GABBR2: variants seen among roughly 807,000 people sequenced by gnomAD.
GABBR2 encodes the protein gamma-aminobutyric acid type B receptor subunit 2.
Under a neutral mutation model 105.6 loss-of-function variants are expected in GABBR2, and 23 were observed. That is an observed-to-expected ratio of 0.22 (90% confidence interval 0.16 to 0.31). The LOEUF is 0.31. GABBR2 is among the 10% of genes least tolerant of loss of function. GABBR2 has a pLI of 1.00. For synonymous variants in GABBR2, 478 were observed against 499.7 expected, an observed-to-expected ratio of 0.96 and a Z score of 0.58; for missense variants, 734 against 1,245.5, an observed-to-expected ratio of 0.59 and a Z score of 6.18.
At chr9:98,426,956 T>C (rs1825704762) in intron 7 of GABBR2, among the ~76,000 whole-genome samples, 1 of 152,098 alleles carries the variant, frequency 6.6e-6, no homozygotes, top group Non-Finnish European at 1.5e-5. Context: ...TGAGCAGAGA[T>C]TGTGCCACTG....
intron 13 of GABBR2, among the ~76,000 whole-genome samples, chr9:98,333,077 T>C (rs745963142): frequency 7.2e-5 from 11 of 152,060 alleles, no homozygotes; most frequent in Non-Finnish European, 1.6e-4. Flanking sequence ...CACAAGAAGA[T>C]GGCAATGTGA....
At chr9:98,611,024 C>T (rs935707225) in intron 1 of GABBR2, among the ~76,000 whole-genome samples, 4 of 152,114 alleles carry the variant, frequency 2.6e-5, no homozygotes, top group Admixed American at 1.3e-4. Flanking sequence ...AAACAAGGTG[C>T]CTCCTTGACA....
At chr9:98,401,137 C>T (rs769393287) in intron 8 of GABBR2, among the ~76,000 whole-genome samples, 2 of 152,178 alleles carry the variant, frequency 1.3e-5, no homozygotes, top group Non-Finnish European at 2.9e-5. Flanking sequence ...AGGAACATCA[C>T]AGCCTCACAT....
At position 98,288,975 on chromosome 9, in the gene GABBR2, C is replaced by G. The variant is rs1387662514; in HGVS notation, c.*1609G>C. On this transcript the variant is annotated 3_prime_UTR_variant, in exon 19 of 19. Transcript: ENST00000259455. ...TAGGTTTCTTTAGGGAGTGAGCGAG[C>G]TGCTCAGTTGTGCAGACATCCTGGA... 1.3e-5 allele frequency: 2 copies of G among 152,614 alleles called. No individual in the cohort carries two copies. Among genetic ancestry groups the G allele is most frequent in the Non-Finnish European group, 2.9e-5 (2 of 68,062 alleles). The allele number at this position is 152,614 out of a possible 1,614,324, so 9.5% of individuals were successfully genotyped here.
chr9:98,436,643 C>G (rs888156670), intron 7 of GABBR2, among the ~76,000 whole-genome samples: 2 of 151,420 alleles, frequency 1.3e-5, no homozygotes, highest in South Asian at 2.1e-4. Context: ...CGTGCTCCTC[C>G]TATTACACCA....
At chr9:98,366,019 G>A (rs556508511) in intron 12 of GABBR2, among the ~76,000 whole-genome samples, 2 of 152,202 alleles carry the variant, frequency 1.3e-5, no homozygotes, top group African/African-American at 4.8e-5. Flanking sequence ...TGGCAGATGA[G>A]AGCAAAGGCA....
At chr9:98,511,595 A>C (rs1827646092) in intron 3 of GABBR2, among the ~76,000 whole-genome samples, 1 of 152,132 alleles carries the variant, frequency 6.6e-6, no homozygotes. Context: ...ATCCCATAGA[A>C]ATACAAACTA....
intron 1 of GABBR2, among the ~76,000 whole-genome samples, chr9:98,593,957 G>T (rs1216638252): frequency 6.6e-6 from 1 of 152,196 alleles, no homozygotes; most frequent in Non-Finnish European, 1.5e-5. Context: ...TGTGATGAGG[G>T]ACTCTACTCA....
At chr9:98,391,419 C>G (rs556431631) in intron 9 of GABBR2, among the ~76,000 whole-genome samples, 1 of 152,230 alleles carries the variant, frequency 6.6e-6, no homozygotes, top group African/African-American at 2.4e-5. Context: ...TCTGCCTAAC[C>G]CTGAAGCTTA....
At chr9:98,486,178 TG>T (rs1328201892) in intron 4 of GABBR2, among the ~76,000 whole-genome samples, 1 of 151,988 alleles carries the variant, frequency 6.6e-6, no homozygotes. Flanking sequence ...AAATAGGAGG[TG>T]GTGGCACTGG....
At chr9:98,401,391 C>T (rs540715381) in intron 8 of GABBR2, among the ~76,000 whole-genome samples, 94 of 152,198 alleles carry the variant, frequency 6.2e-4, no homozygotes, top group African/African-American at 2.1e-3. Context: ...CATGGAGAGT[C>T]GATGGCTCAA....
intron 1 of GABBR2, 48 bp from the exon 2 acceptor site, chr9:98,578,120 TCC>T: frequency 6.2e-7 from 1 of 1,604,290 alleles, no homozygotes; most frequent in African/African-American, 1.3e-5. Context: ...AAACAGCTTT[TCC>T]CCAGGGGCAT....
intron 3 of GABBR2, among the ~76,000 whole-genome samples, chr9:98,521,779 G>C (rs912993895): frequency 1.3e-5 from 2 of 152,042 alleles, no homozygotes; most frequent in African/African-American, 2.4e-5. Context: ...ATAAAACAAT[G>C]AGGGGACTCA....
At chr9:98,708,301 G>C in intron 1 of GABBR2, 116 bp downstream of exon 1, 4 of 1,100,082 alleles carry the variant, frequency 3.6e-6, no homozygotes, top group South Asian at 2.7e-5. Flanking sequence ...CTCTGCCCTC[G>C]GCAGGCGCGG....
intron 1 of GABBR2, among the ~76,000 whole-genome samples, chr9:98,703,566 T>G (rs1007886340): frequency 6.6e-6 from 1 of 152,126 alleles, no homozygotes; most frequent in African/African-American, 2.4e-5. Context: ...AATCACAGCT[T>G]ACTGTAGCCT....
intron 1 of GABBR2, among the ~76,000 whole-genome samples, chr9:98,672,676 C>T (rs1050670136): frequency 2.0e-5 from 3 of 152,208 alleles, no homozygotes; most frequent in Admixed American, 6.5e-5. Flanking sequence ...GAGATAAGGG[C>T]CTTTCATCTG....
At chr9:98,518,669 C>T (rs558980390) in intron 3 of GABBR2, among the ~76,000 whole-genome samples, 62 of 152,378 alleles carry the variant, frequency 4.1e-4, no homozygotes, top group African/African-American at 1.3e-3. Context: ...GAATCCACTA[C>T]AGCAGCACAG....
intron 13 of GABBR2, among the ~76,000 whole-genome samples, chr9:98,353,237 G>C (rs1831430780): frequency 6.6e-6 from 1 of 152,064 alleles, no homozygotes. Flanking sequence ...TGCTGTATTT[G>C]GTGTATCTTG....
intron 1 of GABBR2, among the ~76,000 whole-genome samples, chr9:98,630,451 G>A (rs59896813): frequency 2.0e-5 from 3 of 152,124 alleles, no homozygotes; most frequent in African/African-American, 7.2e-5. Context: ...GTGGATACCT[G>A]GCATCAGGTG....
Sources: allele counts gnomAD v4.1 joint callset (sites outside exome capture counted in the v4.1 genomes callset), GRCh38; gene constraint gnomAD v4.1.1; transcripts MANE v1.5; gene names NCBI Gene and HGNC (gene_info 2026-07-23, HGNC 2026-07-21).